Variants in FAM227A observed in about 807,000 individuals in gnomAD.
FAM227A encodes protein FAM227A.
Under a neutral mutation model 74.7 loss-of-function variants are expected in FAM227A, and 80 were observed. The observed-to-expected ratio is 1.07, with a 90% CI of 0.89 to 1.29. The LOEUF (loss-of-function observed/expected upper bound fraction) is 1.29. Ranked by LOEUF, FAM227A falls within the 50% of genes most tolerant of loss-of-function variation. The pLI, the probability that FAM227A is intolerant of heterozygous loss-of-function variation, is 0.00. For missense variants in FAM227A, 654 were observed against 683.4 expected, an observed-to-expected ratio of 0.96 and a Z score of 0.48; for synonymous variants, 237 against 241.8, an observed-to-expected ratio of 0.98 and a Z score of 0.19.
intron 9 of FAM227A, among the ~76,000 whole-genome samples, chr22:38,624,899 C>T (rs920404646): frequency 1.3e-5 from 2 of 152,166 alleles, no homozygotes; most frequent in African/African-American, 2.4e-5. Flanking sequence ...TACACTTAAA[C>T]GCAGAGACCT....
chr22:38,595,758 A>G (rs1170653016), intron 15 of FAM227A, among the ~76,000 whole-genome samples: 1 of 152,252 alleles, frequency 6.6e-6, no homozygotes, highest in Non-Finnish European at 1.5e-5. Context: ...ATGGGATGCA[A>G]CATAAATATA....
chr22:38,593,671 G>A (rs1309767935), intron 15 of FAM227A, among the ~76,000 whole-genome samples: 1 of 151,918 alleles, frequency 6.6e-6, no homozygotes, highest in Non-Finnish European at 1.5e-5. Flanking sequence ...CCTTCACACA[G>A]GCTTGGGTCT....
chr22:38,633,284 C>A (rs2091946321), intron 6 of FAM227A, among the ~76,000 whole-genome samples: 1 of 151,960 alleles, frequency 6.6e-6, no homozygotes, highest in African/African-American at 2.4e-5. Flanking sequence ...GAAACCATTC[C>A]GGGAGTTGCA....
In FAM227A at chr22:38,613,311, A is replaced by ATATATAT. The variant is rs1569207567; in HGVS notation, c.1039-5836_1039-5835insATATATA. 1.1e-4 allele frequency among the ~76,000 whole-genome samples: 7 copies of ATATATAT among 62,098 alleles called. No homozygotes were observed. In the South Asian group the frequency reaches 1.1e-3, roughly 10 times the overall value. 40.7% of individuals were successfully genotyped at this position (62,098 alleles called of 152,430 possible). ...TAATATATATCATATATAATATATA[A>ATATATAT]CATATAATATATATCATATATAATA... is the stretch of plus-strand genomic sequence containing the variant. On this transcript the variant is annotated intron_variant, in intron 11 of 16. Transcript: ENST00000535113.
At chr22:38,617,431 G>C (rs2091602277) in intron 11 of FAM227A, among the ~76,000 whole-genome samples, 1 of 151,952 alleles carries the variant, frequency 6.6e-6, no homozygotes, top group Admixed American at 6.6e-5. Context: ...GAGTAGCTGG[G>C]ACTACAGGTG....
intron 10 of FAM227A, among the ~76,000 whole-genome samples, chr22:38,622,638 G>C (rs1569216122): frequency 6.6e-6 from 1 of 152,118 alleles, no homozygotes; most frequent in Non-Finnish European, 1.5e-5. Flanking sequence ...CACTTTGGGA[G>C]GCCGAGGTGG....
chr22:38,638,120 G>A (rs544651223), intron 5 of FAM227A, among the ~76,000 whole-genome samples: 14 of 152,256 alleles, frequency 9.2e-5, no homozygotes, highest in African/African-American at 3.1e-4. Flanking sequence ...AGCTGAGATC[G>A]TGCCACTGCA....
chr22:38,597,303 T>G lies in FAM227A; in HGVS notation c.1433A>C (p.Lys478Thr), dbSNP rs1366889642. The G allele has an allele frequency of 1.9e-6, 3 of 1,552,064 alleles. No homozygotes were observed. The East Asian group carries it at 7.3e-5, about 38-fold the overall frequency. Reference protein sequence around the residue: ...DVISETLCSMKKRKDNLNQLY... With the variant: ...DVISETLCSMTKRKDNLNQLY... ...CTGATTGAGGTTGTCTTTCCGCTTC[T>G]TCATGCTGCACAGGGTCTCGCTGAT... The change falls in exon 15 of 17, where the codon AAG becomes ACG. Residue 478 changes from lysine (K) to threonine (T), a missense_variant. Physicochemically the swap from Lys to Thr is moderately conservative, Grantham distance 78. Transcript: ENST00000535113.
chr22:38,611,182 A>ACC lies in FAM227A; in HGVS notation c.1039-3708_1039-3707dup, dbSNP rs568612017. Among the ~76,000 whole-genome samples, 22 of 152,046 alleles carry ACC rather than the reference A, an allele frequency of 1.4e-4. No individual in the cohort carries two copies. The South Asian group carries it at 4.6e-3, about 32-fold the overall frequency. On this transcript the variant is annotated intron_variant, in intron 11 of 16. Transcript: ENST00000535113. Reference sequence around the variant, plus strand: ...GGGGGTAAACCAAGACTGTTCTGAGACCCCCTGTCCCATCCCAGCATAGAG... The same window carrying ACC: ...GGGGGTAAACCAAGACTGTTCTGAGACCCCCCCTGTCCCATCCCAGCATAGAG...
Position 38,586,122 on chromosome 22 carries a change from T to A in FAM227A, c.*3A>T, listed in dbSNP as rs1410211615. On this transcript the variant is annotated 3_prime_UTR_variant, in exon 17 of 17. Coordinates refer to ENST00000535113, the MANE Select transcript of FAM227A (RefSeq NM_001013647.2). ...GCTTCCTGGTTCTAGGTTGTGGAGCTCCTCAGGGCTTGGAAGTGAGTGGAA... is the reference window on the plus strand; with the variant it reads ...GCTTCCTGGTTCTAGGTTGTGGAGCACCTCAGGGCTTGGAAGTGAGTGGAA... 6.4e-7 allele frequency: 1 copy of A among 1,552,034 alleles called. No homozygotes were observed. Among genetic ancestry groups the A allele is most frequent in the South Asian group, 1.2e-5 (1 of 84,058 alleles).
At chr22:38,638,874 A>G in intron 4 of FAM227A, 52 bp from the exon 5 acceptor site, 3 of 1,188,292 alleles carry the variant, frequency 2.5e-6, no homozygotes, top group Non-Finnish European at 3.5e-6. Flanking sequence ...GTCTGTCCAC[A>G]GCTGTGCGGT....
chr22:38,612,663 A>C (rs2091440214), intron 11 of FAM227A, among the ~76,000 whole-genome samples: 1 of 152,148 alleles, frequency 6.6e-6, no homozygotes, highest in Non-Finnish European at 1.5e-5. Flanking sequence ...CTGAGATTTC[A>C]AGATGGAAAT....
At chr22:38,623,471 C>G (rs971393055) in intron 9 of FAM227A, among the ~76,000 whole-genome samples, 192 bp from the exon 10 acceptor site, 1 of 152,164 alleles carries the variant, frequency 6.6e-6, no homozygotes, top group Non-Finnish European at 1.5e-5. Context: ...GCAAAAGAGG[C>G]CTGGGGAGCC....
chr22:38,648,656 A>T (rs1318497332), intron 2 of FAM227A, among the ~76,000 whole-genome samples: 1 of 150,722 alleles, frequency 6.6e-6, no homozygotes, highest in East Asian at 1.9e-4. Context: ...CTCGACAGTA[A>T]GAAAATACAC....
chr22:38,619,232 G>A (rs2091637179), intron 11 of FAM227A, among the ~76,000 whole-genome samples: 1 of 152,208 alleles, frequency 6.6e-6, no homozygotes, highest in South Asian at 2.1e-4. Flanking sequence ...GATGAGCAAG[G>A]CTGTGCAAGT....
At position 38,591,486 on chromosome 22, in the gene FAM227A, C is replaced by G. The variant is rs1044111569; in HGVS notation, c.1587G>C (p.Met529Ile). Reference protein sequence around the residue: ...KAADTKKANHMFIPPSAVNEE... With the variant: ...KAADTKKANHIFIPPSAVNEE... Reference sequence around the variant, plus strand: ...CATTGACGGCTGAAGGTGGGATGAACATGTGGTTTGCCTTTTTTGTATCTG... The same window carrying G: ...CATTGACGGCTGAAGGTGGGATGAAGATGTGGTTTGCCTTTTTTGTATCTG... The change falls in exon 16 of 17, where the codon ATG becomes ATC. Residue 529 changes from methionine to isoleucine, a missense_variant. Transcript: ENST00000535113. 1 of 1,550,354 alleles carries G rather than the reference C, an allele frequency of 6.5e-7. No homozygotes were observed. The highest frequency in any genetic ancestry group is 1.4e-5 in the African/African-American group (1 of 72,904).
intron 2 of FAM227A, among the ~76,000 whole-genome samples, chr22:38,649,314 C>T (rs1406485015): frequency 1.3e-5 from 2 of 152,144 alleles, no homozygotes; most frequent in East Asian, 3.9e-4. Flanking sequence ...CCTGTAATCC[C>T]AGCACTTTGG....
chr22:38,650,575 G>A (rs996024191), intron 1 of FAM227A, among the ~76,000 whole-genome samples: 84 of 152,188 alleles, frequency 5.5e-4, no homozygotes, highest in African/African-American at 1.9e-3. Context: ...CAGCAAGTCA[G>A]TTCCCAAACG....
At chr22:38,606,341 AT>A (rs1039226456) in intron 12 of FAM227A, among the ~76,000 whole-genome samples, 6 of 151,960 alleles carry the variant, frequency 3.9e-5, no homozygotes, top group South Asian at 2.1e-4. Context: ...TAATTTAAAA[AT>A]TTTTTTTGTA....
Sources: gnomAD v4.1 joint callset for allele counts (sites outside exome capture counted in the v4.1 genomes callset) on GRCh38, gnomAD v4.1.1 for gene constraint, MANE v1.5 for transcripts, NCBI Gene and HGNC (gene_info 2026-07-23, HGNC 2026-07-21) for gene names.